Variants in SEMA4C observed in about 807,000 individuals in gnomAD.
SEMA4C encodes semaphorin-4C.
Under a neutral mutation model 89.0 loss-of-function variants are expected in SEMA4C, and 19 were observed. That is an observed-to-expected ratio of 0.21 (90% CI 0.15 to 0.31). The LOEUF (loss-of-function observed/expected upper bound fraction) is 0.31, where lower values mean the gene tolerates loss of function less well. Ranked by LOEUF, SEMA4C falls within the 10% of genes least tolerant of loss-of-function variation. The probability of loss-of-function intolerance (pLI) is 1.00; values close to 1 mark genes in which losing one functional copy is unlikely to be tolerated. For missense variants in SEMA4C, 811 were observed against 1,107.0 expected, an observed-to-expected ratio of 0.73 and a Z score of 3.79; for synonymous variants, 428 against 472.7, an observed-to-expected ratio of 0.91 and a Z score of 1.23.
chr2:96,868,371 G>A (rs989528581), intron 1 of SEMA4C: 7 of 967,284 alleles, frequency 7.2e-6, no homozygotes, highest in Non-Finnish European at 8.7e-6. Flanking sequence ...GGGCGACGAG[G>A]GCATGCGGTG....
intron 12 of SEMA4C, chr2:96,862,641 T>C (rs1374767605): frequency 6.6e-6 from 1 of 152,114 alleles, no homozygotes; most frequent in East Asian, 1.9e-4. Flanking sequence ...GTCGGGCGGA[T>C]CGCAAGGTCA....
intron 12 of SEMA4C, chr2:96,863,252 G>A (rs939637014): frequency 2.3e-5 from 23 of 1,010,892 alleles, no homozygotes; most frequent in Non-Finnish European, 2.6e-5. Flanking sequence ...TATAATGCAA[G>A]CACTTCAGGG....
rs1396175531 is a variant in SEMA4C, at chr2:96,864,791, G to C, written c.876C>G (p.Leu292=). The C allele has an allele frequency of 1.9e-6, 3 of 1,613,828 alleles. No homozygotes were observed. Among genetic ancestry groups the C allele is most frequent in the Non-Finnish European group, 2.5e-6 (3 of 1,180,022 alleles). ...GCATCGCCTGCAGCTGGTTGAAGTA[G>C]AGCTGCCAGTTCGGGGCAGAGCATG... ...RLACSAPNWQ[L]YFNQLQAMHT... is the part of the protein sequence containing the mutation. The change falls in exon 9 of 15, where the codon CTC becomes CTG. Residue 292 remains leucine (L), a synonymous_variant. Transcript: ENST00000305476. This position sits in a 1 kb window ranked among gnomAD's most constrained non-coding sequence, Gnocchi z 6.3.
intron 1 of SEMA4C, chr2:96,868,374 A>C: frequency 3.1e-6 from 3 of 977,782 alleles, no homozygotes; most frequent in Non-Finnish European, 3.7e-6. Flanking sequence ...CGACGAGGGC[A>C]TGCGGTGGGG....
intron 1 of SEMA4C, chr2:96,868,927 C>T: frequency 2.0e-6 from 2 of 985,400 alleles, no homozygotes; most frequent in South Asian, 9.4e-5. Context: ...CCTTCCCGTG[C>T]CAGGGGCGGA....
Position 96,866,425 on chromosome 2 carries a change from G to C in SEMA4C, c.116C>G (p.Ala39Gly). ...PRKTVSSGEL[A>G]TVVRRFSQTG... The stretch of plus-strand genomic sequence containing the variant: ...CTGGGAGAACCGCCGTACTACCGTG[G>C]CCAGCTCTGCAGGGGTAAGCATGGC... Residue 39 changes from alanine (A) to glycine (G), a missense_variant, in exon 3 of 15, where the codon GCC becomes GGC. Coordinates refer to ENST00000305476, the MANE Select transcript of SEMA4C (RefSeq NM_017789.5). The C allele has an allele frequency of 6.2e-7, 1 of 1,613,958 alleles. No individual in the cohort carries two copies. Among genetic ancestry groups the C allele is most frequent in the Non-Finnish European group, 8.5e-7 (1 of 1,180,030 alleles).
chr2:96,870,551 G>C (rs1484454244), upstream of SEMA4C: 1 of 985,358 alleles, frequency 1.0e-6, no homozygotes, highest in Non-Finnish European at 1.2e-6. Context: ...GGGGTCTGCC[G>C]TTTGGCCCCC....
Position 96,861,467 on chromosome 2 carries a change from G to C in SEMA4C, c.1673-12C>G, listed in dbSNP as rs1479444093. The C allele has an allele frequency of 5.0e-6, 8 of 1,612,716 alleles. No individual in the cohort carries two copies. In the East Asian group the frequency reaches 1.8e-4, roughly 36 times the overall value. On this transcript the variant is annotated splice_polypyrimidine_tract_variant and intron_variant, in intron 14 of 14. Coordinates refer to ENST00000305476, the MANE Select transcript of SEMA4C (RefSeq NM_017789.5). This position sits in a 1 kb window ranked among gnomAD's most constrained non-coding sequence, Gnocchi z 7.8. ...GGGAGTGGGCCTGACTGTAGTGGCA[G>C]AGAAAACAGAGTGCATGTTAGTGCA... is the stretch of plus-strand genomic sequence containing the variant.
intron 12 of SEMA4C, chr2:96,863,251 A>G: frequency 9.9e-7 from 1 of 1,011,130 alleles, no homozygotes. Context: ...GTATAATGCA[A>G]GCACTTCAGG....
In SEMA4C at chr2:96,860,219, C is replaced by T. The variant is rs553528176; in HGVS notation, c.*407G>A. On this transcript the variant is annotated 3_prime_UTR_variant, in exon 15 of 15. Coordinates refer to ENST00000305476, the MANE Select transcript of SEMA4C (RefSeq NM_017789.5). ...CCCCTTCATAGCTCCAATGACTCAC[C>T]AGGAGGACCCAGGCCAAGGGAAGAC... 3.2e-5 allele frequency: 6 copies of T among 187,790 alleles called. No individual in the cohort carries two copies. Among genetic ancestry groups the T allele is most frequent in the Non-Finnish European group, 6.5e-5 (6 of 92,180 alleles). 11.6% of individuals were successfully genotyped at this position (187,790 alleles called of 1,614,324 possible).
rs536250136 is a variant in SEMA4C, at chr2:96,864,391, G to A, written c.963-9C>T. 1.4e-4 allele frequency: 231 copies of A among 1,612,876 alleles called. 1 individual carries two copies. The highest frequency in any genetic ancestry group is 1.3e-3 in the South Asian group (120 of 91,090). ...ACAGGTACATGTCACCCCTGTCACAGCGAGAGGGAGCCCAGGGTCAGGTAC... is the reference window on the plus strand; with the variant it reads ...ACAGGTACATGTCACCCCTGTCACAACGAGAGGGAGCCCAGGGTCAGGTAC... On this transcript the variant is annotated splice_polypyrimidine_tract_variant and intron_variant, in intron 9 of 14. Transcript: ENST00000305476. The surrounding 1 kb of genome is among the most constrained non-coding windows in gnomAD (Gnocchi z 6.3).
At position 96,861,012 on chromosome 2, in the gene SEMA4C, C is replaced by T. The variant is rs1398708829; in HGVS notation, c.2116G>A (p.Val706Met). 5 of 1,612,938 alleles carry T rather than the reference C, an allele frequency of 3.1e-6. No individual in the cohort carries two copies. The highest frequency in any genetic ancestry group is 2.2e-5 in the East Asian group (1 of 44,884). ...KGAKATERTL[V>M]YPLELPKEPT... ...TCCTTGGGCAGCTCCAGGGGGTACA[C>T]CAAGGTCCTCTCAGTAGCCTTGGCC... is the stretch of plus-strand genomic sequence containing the variant. Residue 706 changes from valine (V) to methionine (M), a missense_variant, in exon 15 of 15, where the codon GTG becomes ATG. By Grantham distance (21) the Val-to-Met change is conservative (BLOSUM62 1). This residue lies in a region of SEMA4C where 248 missense variants were observed against 269.0 expected (regional missense o/e 0.92). Coordinates refer to ENST00000305476, the MANE Select transcript of SEMA4C (RefSeq NM_017789.5). This position sits in a 1 kb window ranked among gnomAD's most constrained non-coding sequence, Gnocchi z 7.8.
intron 6 of SEMA4C, 42 bp from the exon 7 acceptor site, chr2:96,865,362 G>A (rs1574150748): frequency 1.9e-6 from 3 of 1,611,630 alleles, no homozygotes; most frequent in Non-Finnish European, 2.5e-6. Context: ...ATGAGGTATG[G>A]ACACATCCGG....
rs1421834896 is a variant in SEMA4C at position 96,865,581 on chromosome 2, G to C, written c.421-44C>G. ...GTGATGAGGAGATGCTTAAGGGCAG[G>C]GCTCTGTGGGCCACATCCACGAGTC... On this transcript the variant is annotated intron_variant, in intron 5 of 14. Coordinates refer to ENST00000305476, the MANE Select transcript of SEMA4C (RefSeq NM_017789.5). 1.9e-6 allele frequency: 3 copies of C among 1,600,792 alleles called. No homozygotes were observed. In the African/African-American group the frequency reaches 4.0e-5, roughly 21 times the overall value.
chr2:96,863,543 A>G, intron 12 of SEMA4C, 139 bp downstream of exon 12: 1 of 1,249,856 alleles, frequency 8.0e-7, no homozygotes. Flanking sequence ...CAAGTTAGGC[A>G]AGGTGTGCAT....
At chr2:96,870,130 G>A (rs1050394817), upstream of SEMA4C, 22 of 971,750 alleles carry the variant, frequency 2.3e-5, no homozygotes, top group Admixed American at 5.5e-4. Flanking sequence ...AGGCTGGGGG[G>A]GTCGAGCGGA....
chr2:96,866,531 G>T (rs775380835), intron 2 of SEMA4C, 100 bp from the exon 3 acceptor site: 2 of 1,519,318 alleles, frequency 1.3e-6, no homozygotes, highest in African/African-American at 2.7e-5. Context: ...ACAAGCAGAT[G>T]CCAGCCAAAC....
At chr2:96,870,263 C>A (rs1050892227), upstream of SEMA4C, 2 of 985,462 alleles carry the variant, frequency 2.0e-6, no homozygotes, top group Non-Finnish European at 2.4e-6. Flanking sequence ...GGACCTCAAC[C>A]CCTCCGGGTG....
Position 96,870,058 on chromosome 2 carries a change from C to G in SEMA4C, c.-220G>C, listed in dbSNP as rs1444102693. 1.0e-6 allele frequency: 1 copy of G among 975,930 alleles called. No homozygotes were observed. Among genetic ancestry groups the G allele is most frequent in the Non-Finnish European group, 1.2e-6 (1 of 821,280 alleles). The allele number at this position is 975,930 out of a possible 1,614,324, so 60.5% of individuals were successfully genotyped here. A position where few individuals can be genotyped will look rare whatever the true frequency, so the allele number is the denominator to read the frequency against. ...TAGGCTCGGGCTCCCCGCGCCACCACGGCGGGCGCCGGCTCTTTCTCCAGC... is the reference window on the plus strand; with the variant it reads ...TAGGCTCGGGCTCCCCGCGCCACCAGGGCGGGCGCCGGCTCTTTCTCCAGC... On this transcript the variant is annotated 5_prime_UTR_variant, in exon 1 of 15. Coordinates refer to ENST00000305476, the MANE Select transcript of SEMA4C (RefSeq NM_017789.5).
Sources: gnomAD v4.1 joint callset for allele counts on GRCh38, gnomAD v4.1.1 for gene constraint, gnomAD v4.1.1 regional missense constraint, Gnocchi (gnomAD v3.1) non-coding constraint, MANE v1.5 for transcripts, NCBI Gene and HGNC (gene_info 2026-07-23, HGNC 2026-07-21) for gene names.